LRRC4C: variants seen among roughly 807,000 people sequenced by gnomAD.
LRRC4C encodes leucine-rich repeat-containing protein 4C.
In LRRC4C, 5 loss-of-function variants were observed where a neutral mutation model predicts 33.6. That is an observed-to-expected ratio of 0.15 (90% CI 0.08 to 0.31). The LOEUF is 0.31. Ranked by LOEUF, LRRC4C falls within the 10% of genes least tolerant of loss-of-function variation. The pLI, the probability that LRRC4C is intolerant of heterozygous loss-of-function variation, is 1.00. For missense variants in LRRC4C, 560 were observed against 796.7 expected, an observed-to-expected ratio of 0.70 and a Z score of 3.58; for synonymous variants, 329 against 302.0, an observed-to-expected ratio of 1.09 and a Z score of -0.93.
intron 1 of LRRC4C, among the ~76,000 whole-genome samples, chr11:41,126,864 A>G (rs1565407742): frequency 1.3e-5 from 2 of 152,094 alleles, no homozygotes; most frequent in Non-Finnish European, 2.9e-5. Context: ...CTCCAGATGA[A>G]TGTAATTCCA....
chr11:40,577,831 TC>T (rs369645872), intron 3 of LRRC4C, among the ~76,000 whole-genome samples: 3 of 141,240 alleles, frequency 2.1e-5, no homozygotes, highest in African/African-American at 5.2e-5. Flanking sequence ...TTTTCTTTTT[TC>T]TTTTTTTTTT....
At chr11:40,808,829 A>C (rs974614415) in intron 2 of LRRC4C, among the ~76,000 whole-genome samples, 9 of 152,192 alleles carry the variant, frequency 5.9e-5, no homozygotes, top group African/African-American at 2.2e-4. Context: ...GATGAAAAAT[A>C]GTGTTTCTGA....
At chr11:40,790,170 T>C (rs144145503) in intron 2 of LRRC4C, among the ~76,000 whole-genome samples, 8 of 152,324 alleles carry the variant, frequency 5.3e-5, no homozygotes, top group African/African-American at 1.9e-4. Flanking sequence ...CGTAAGTGGA[T>C]TGGAGAAGAT....
chr11:40,265,860 A>G (rs1305198360), intron 4 of LRRC4C, among the ~76,000 whole-genome samples: 1 of 152,226 alleles, frequency 6.6e-6, no homozygotes, highest in Admixed American at 6.5e-5. Context: ...AAATCTAAAC[A>G]TAATTTGTTT....
intron 2 of LRRC4C, among the ~76,000 whole-genome samples, chr11:40,848,471 T>C (rs1953308937): frequency 6.6e-6 from 1 of 152,210 alleles, no homozygotes; most frequent in Non-Finnish European, 1.5e-5. Flanking sequence ...AGTTTCTTAA[T>C]TCTGAGTTCT....
intron 3 of LRRC4C, among the ~76,000 whole-genome samples, chr11:40,478,319 C>T (rs1953353718): frequency 6.6e-6 from 1 of 152,114 alleles, no homozygotes; most frequent in Admixed American, 6.6e-5. Context: ...TTTTAAACAC[C>T]TCTTTTTAAT....
chr11:40,460,893 G>A (rs896550548), intron 3 of LRRC4C, among the ~76,000 whole-genome samples: 9 of 152,018 alleles, frequency 5.9e-5, no homozygotes, highest in Non-Finnish European at 1.0e-4. Flanking sequence ...AGATACTGAA[G>A]CAACCAAATG....
At chr11:41,372,549 A>G (rs1247837102) in intron 1 of LRRC4C, among the ~76,000 whole-genome samples, 1 of 152,206 alleles carries the variant, frequency 6.6e-6, no homozygotes, top group African/African-American at 2.4e-5. Context: ...ATAAGTGGGC[A>G]TTTTAATATT....
chr11:41,219,808 G>C (rs1030916069), intron 1 of LRRC4C, among the ~76,000 whole-genome samples: 2 of 152,128 alleles, frequency 1.3e-5, no homozygotes, highest in Non-Finnish European at 2.9e-5. Context: ...AGAAAAAGTA[G>C]AATGTTCCCT....
At chr11:40,400,029 T>C (rs1949700839) in intron 3 of LRRC4C, among the ~76,000 whole-genome samples, 1 of 152,112 alleles carries the variant, frequency 6.6e-6, no homozygotes, top group Admixed American at 6.6e-5. Context: ...CAAGGAATCA[T>C]TTATAATTGT....
chr11:40,898,064 A>G (rs1289045447), intron 2 of LRRC4C, among the ~76,000 whole-genome samples: 1 of 152,222 alleles, frequency 6.6e-6, no homozygotes, highest in African/African-American at 2.4e-5. Flanking sequence ...TCTATGAAAT[A>G]TAAGTTGAGG....
chr11:41,309,057 G>A (rs1239575738), intron 1 of LRRC4C, among the ~76,000 whole-genome samples: 1 of 152,206 alleles, frequency 6.6e-6, no homozygotes, highest in Non-Finnish European at 1.5e-5. Context: ...GCCTGCCTCA[G>A]CCTCCCAAAG....
At chr11:41,092,012 AT>A (rs1229784226) in intron 1 of LRRC4C, among the ~76,000 whole-genome samples, 5 of 152,150 alleles carry the variant, frequency 3.3e-5, no homozygotes, top group Admixed American at 1.3e-4. Context: ...TACAAATATA[AT>A]TATAGTAGAA....
intron 6 of LRRC4C, among the ~76,000 whole-genome samples, chr11:40,119,972 T>C (rs1855711177): frequency 2.6e-5 from 4 of 152,082 alleles, no homozygotes. Flanking sequence ...ATTGTTCAAA[T>C]TACCCAATCA....
At chr11:41,316,975 TC>T (rs1950815746) in intron 1 of LRRC4C, among the ~76,000 whole-genome samples, 1 of 152,198 alleles carries the variant, frequency 6.6e-6, no homozygotes, top group Admixed American at 6.5e-5. Flanking sequence ...AAGTCAGTTC[TC>T]CCAGACACTC....
intron 3 of LRRC4C, among the ~76,000 whole-genome samples, chr11:40,487,877 A>G (rs1953945633): frequency 6.6e-6 from 1 of 152,064 alleles, no homozygotes; most frequent in African/African-American, 2.4e-5. Context: ...TATAATTGAT[A>G]TATGTACCAC....
At chr11:41,144,226 A>C (rs191876128) in intron 1 of LRRC4C, among the ~76,000 whole-genome samples, 17 of 152,312 alleles carry the variant, frequency 1.1e-4, no homozygotes, top group Admixed American at 8.5e-4. Context: ...GCTGGGAATA[A>C]AATGTCTGCA....
At chr11:41,201,660 G>T (rs916049208) in intron 1 of LRRC4C, among the ~76,000 whole-genome samples, 33 of 152,180 alleles carry the variant, frequency 2.2e-4, no homozygotes, top group African/African-American at 7.7e-4. Flanking sequence ...AAGATCTGAA[G>T]CCCTTTCTTT....
At chr11:40,274,946 T>C (rs960441993) in intron 4 of LRRC4C, among the ~76,000 whole-genome samples, 5 of 152,170 alleles carry the variant, frequency 3.3e-5, no homozygotes, top group Admixed American at 2.6e-4. Context: ...GGGGCTCTAA[T>C]GTTTATAGCT....
Sources: gnomAD v4.1 joint callset for allele counts (sites outside exome capture counted in the v4.1 genomes callset) on GRCh38, gnomAD v4.1.1 for gene constraint, MANE v1.5 for transcripts, NCBI Gene and HGNC (gene_info 2026-07-23, HGNC 2026-07-21) for gene names.